The following ARAP2 variants were observed in gnomAD, a reference collection of about 807,000 sequenced individuals.
ARAP2 encodes the protein ArfGAP with RhoGAP domain, ankyrin repeat and PH domain 2.
In ARAP2, 148 loss-of-function variants were observed where a neutral mutation model predicts 194.5. That is an observed-to-expected ratio of 0.76 (90% CI 0.67 to 0.87). The LOEUF (loss-of-function observed/expected upper bound fraction) is 0.87, where lower values mean the gene tolerates loss of function less well. Among genes scored for constraint, ARAP2 ranks in the 40% least tolerant of loss-of-function variants. ARAP2 has a pLI of 0.00. For synonymous variants in ARAP2, 695 were observed against 683.5 expected (o/e 1.02, Z -0.26); for missense variants, 2,128 against 1,989.7 (o/e 1.07, Z -1.32).
intron 8 of ARAP2, among the ~76,000 whole-genome samples, chr4:36,013,688 TAGAGAATAATAACCTACCC>T (rs1450271811): frequency 6.6e-6 from 1 of 151,970 alleles, no homozygotes; most frequent in African/African-American, 2.4e-5. Context: ...TAACATACAT[TAGAGAATAATAACCTACCC>T]AGAGATTTAA....
Position 36,147,706 on chromosome 4 carries a change from T to G in ARAP2, c.3041A>C (p.Asp1014Ala). 6.2e-7 allele frequency: 1 copy of G among 1,612,306 alleles called. No individual in the cohort carries two copies. The highest frequency in any genetic ancestry group is 8.5e-7 in the Non-Finnish European group (1 of 1,179,306). The change falls in exon 18 of 33, where the codon GAC becomes GCC. Residue 1014 changes from aspartate (D) to alanine (A), a missense_variant. Asp to Ala is a moderately radical substitution (Grantham distance 126, BLOSUM62 -2). Coordinates refer to ENST00000303965, the MANE Select transcript of ARAP2 (RefSeq NM_015230.4). ...PLFAENLTEA[D>A]YDLIGQLFYK... Reference sequence around the variant, plus strand: ...GAAGAGTTGACCAATCAAATCATAGTCAGCTTCTGTTAAGTTTTCAGCAAA... The same window carrying G: ...GAAGAGTTGACCAATCAAATCATAGGCAGCTTCTGTTAAGTTTTCAGCAAA...
Position 36,124,975 on chromosome 4 carries a change from GGA to G in ARAP2, c.3641-10_3641-9del. ...CCTTGTCATCTTGCGTATCTGAAGG[GGA>G]AAAAAAAACAATCTTGAGATCTAAA... On this transcript the variant is annotated splice_polypyrimidine_tract_variant and intron_variant, in intron 21 of 32. Transcript: ENST00000303965. 1 of 1,546,900 alleles carries G rather than the reference GGA, an allele frequency of 6.5e-7. No homozygotes were observed.
chr4:36,107,187 C>A (rs923161816), intron 27 of ARAP2, among the ~76,000 whole-genome samples: 2 of 151,830 alleles, frequency 1.3e-5, no homozygotes, highest in African/African-American at 4.8e-5. Context: ...TATCTCAGAG[C>A]CTATATAATT....
intron 9 of ARAP2, among the ~76,000 whole-genome samples, chr4:36,172,416 A>T (rs1366126774): frequency 1.3e-5 from 2 of 152,252 alleles, no homozygotes; most frequent in Non-Finnish European, 2.9e-5. Context: ...TGATACATCC[A>T]CTTAATTCTT....
chr4:36,232,347 G>A (rs529632307), intron 1 of ARAP2, among the ~76,000 whole-genome samples: 6 of 152,202 alleles, frequency 3.9e-5, no homozygotes, highest in African/African-American at 1.4e-4. Flanking sequence ...ACACAAATTC[G>A]GTATGTAACT....
At chr4:36,173,087 C>T (rs1181611438) in intron 9 of ARAP2, among the ~76,000 whole-genome samples, 3 of 151,972 alleles carry the variant, frequency 2.0e-5, no homozygotes, top group Non-Finnish European at 2.9e-5. Context: ...AACCTCAATG[C>T]CACAATTATC....
chr4:36,079,173 C>CAAAAAAAAAAAAAAAAAAAAAAA (rs34229260), intron 31 of ARAP2, among the ~76,000 whole-genome samples: 1 of 77,614 alleles, frequency 1.3e-5, no homozygotes, highest in African/African-American at 5.4e-5. Flanking sequence ...GACTCTGTCT[C>CAAAAAAAAAAAAAAAAAAAAAAA]AAAAAAAAAA....
chr4:36,130,690 A>C (rs1725216528), intron 20 of ARAP2, among the ~76,000 whole-genome samples: 1 of 151,906 alleles, frequency 6.6e-6, no homozygotes, highest in Non-Finnish European at 1.5e-5. Flanking sequence ...ATAAATCTGT[A>C]AACTCCTAGA....
intron 22 of ARAP2, 27 bp from the exon 23 acceptor site, chr4:36,121,353 T>A: frequency 6.5e-7 from 1 of 1,537,292 alleles, no homozygotes; most frequent in Non-Finnish European, 8.8e-7. Context: ...TAGTTTATTA[T>A]GATACACTTT....
chr4:36,222,265 G>A (rs1313700660), intron 2 of ARAP2, among the ~76,000 whole-genome samples: 2 of 151,910 alleles, frequency 1.3e-5, no homozygotes, highest in Non-Finnish European at 2.9e-5. Context: ...ATAAGGCAGT[G>A]GCCTACATAA....
intron 6 of ARAP2, among the ~76,000 whole-genome samples, chr4:36,209,075 A>G (rs1746182555): frequency 6.6e-6 from 1 of 152,102 alleles, no homozygotes; most frequent in Non-Finnish European, 1.5e-5. Flanking sequence ...GCAAGATCTC[A>G]CCTGGGACGC....
rs548293467 is a variant in ARAP2 at position 36,232,922 on chromosome 4, TC to T, written c.-159-3278del. 3.6e-4 allele frequency among the ~76,000 whole-genome samples: 55 copies of T among 152,320 alleles called. No individual in the cohort carries two copies. The South Asian group carries it at 9.1e-3, about 25-fold the overall frequency. ...TGTTTTAATAAACAGCCCTTTCCTT[TC>T]TTTGGCAGACACATACATACTTCCT... On this transcript the variant is annotated intron_variant, in intron 1 of 32. Coordinates refer to ENST00000303965, the MANE Select transcript of ARAP2 (RefSeq NM_015230.4).
At chr4:36,021,963 A>C (rs1267378752) in intron 5 of ARAP2, among the ~76,000 whole-genome samples, 5 of 152,202 alleles carry the variant, frequency 3.3e-5, no homozygotes, top group African/African-American at 9.6e-5. Flanking sequence ...CACCTAGGCT[A>C]TATAGTATAG....
At chr4:36,043,137 C>G (rs1477161944) in intron 5 of ARAP2, among the ~76,000 whole-genome samples, 1 of 152,174 alleles carries the variant, frequency 6.6e-6, no homozygotes. Context: ...GCCACCCCAC[C>G]TGCACTCTCT....
chr4:36,165,716 G>A (rs968995155), intron 10 of ARAP2, among the ~76,000 whole-genome samples: 1 of 151,970 alleles, frequency 6.6e-6, no homozygotes, highest in African/African-American at 2.4e-5. Context: ...AATGTTTACT[G>A]GGAACTCGAG....
chr4:36,090,490 G>C (rs1434240992), intron 28 of ARAP2, among the ~76,000 whole-genome samples: 3 of 152,002 alleles, frequency 2.0e-5, no homozygotes, highest in Non-Finnish European at 4.4e-5. Context: ...TGAAACATCA[G>C]TGCAAAAATC....
chr4:36,030,404 T>C (rs968980483), intron 5 of ARAP2, among the ~76,000 whole-genome samples: 12 of 152,154 alleles, frequency 7.9e-5, no homozygotes, highest in African/African-American at 1.7e-4. Context: ...TCTGAGTTAA[T>C]ATTTCCATGT....
chr4:36,137,575 G>A (rs951207430), intron 19 of ARAP2, among the ~76,000 whole-genome samples: 15 of 151,852 alleles, frequency 9.9e-5, no homozygotes, highest in African/African-American at 2.7e-4. Context: ...ATTTAAAGCC[G>A]TCTGAAACAT....
Position 36,067,925 on chromosome 4 carries a change from A to G in ARAP2, c.5097T>C (p.Asp1699=). ...TTATTTCCTACTTCAAAATCTGCTCATCCTGTAATTCTTTTGGAAGGGTTC... is the reference window on the plus strand; with the variant it reads ...TTATTTCCTACTTCAAAATCTGCTCGTCCTGTAATTCTTTTGGAAGGGTTC... ...RSRTLPKELQ[D]EQILK is the part of the protein sequence containing the mutation. Residue 1699 remains aspartate, a synonymous_variant, in exon 33 of 33, where the codon GAT becomes GAC. Coordinates refer to ENST00000303965, the MANE Select transcript of ARAP2 (RefSeq NM_015230.4). 1.3e-6 allele frequency: 2 copies of G among 1,581,640 alleles called. No homozygotes were observed. Among genetic ancestry groups the G allele is most frequent in the Non-Finnish European group, 8.6e-7 (1 of 1,161,844 alleles).
Sources: gnomAD v4.1 joint callset for allele counts (sites outside exome capture counted in the v4.1 genomes callset) on GRCh38, gnomAD v4.1.1 for gene constraint, MANE v1.5 for transcripts, NCBI Gene and HGNC (gene_info 2026-07-23, HGNC 2026-07-21) for gene names.